Variants in STX12 observed in about 807,000 individuals in gnomAD.
The protein encoded by STX12 is syntaxin-12.
In STX12, 17 loss-of-function variants were observed where a neutral mutation model predicts 42.2. That is an observed-to-expected ratio of 0.40 (90% CI 0.28 to 0.60). The LOEUF (loss-of-function observed/expected upper bound fraction) is 0.60. STX12 is among the 20% of genes least tolerant of loss of function. STX12 has a pLI of 0.39. For synonymous variants in STX12, 108 were observed against 116.7 expected (o/e 0.93, Z 0.48); for missense variants, 297 against 330.9 (o/e 0.90, Z 0.79).
At chr1:27,779,285 A>G (rs762812349) in intron 1 of STX12, among the ~76,000 whole-genome samples, 2 of 151,996 alleles carry the variant, frequency 1.3e-5, no homozygotes, top group Non-Finnish European at 2.9e-5. Flanking sequence ...TCAAGAGCCT[A>G]AAGTGGCTCT....
chr1:27,813,766 A>G (rs1406023790), intron 6 of STX12, among the ~76,000 whole-genome samples: 1 of 152,200 alleles, frequency 6.6e-6, no homozygotes, highest in African/African-American at 2.4e-5. Flanking sequence ...ATATGGTTCA[A>G]ACTAATAAAT....
chr1:27,792,314 G>T (rs1259131249), intron 2 of STX12, among the ~76,000 whole-genome samples: 1 of 97,010 alleles, frequency 1.0e-5, no homozygotes, highest in African/African-American at 4.9e-5. Context: ...CTATATATAT[G>T]TAGATACATA....
intron 1 of STX12, among the ~76,000 whole-genome samples, chr1:27,781,536 T>C (rs1033137383): frequency 1.3e-5 from 2 of 152,204 alleles, no homozygotes; most frequent in African/African-American, 2.4e-5. Context: ...ACCTATTTCA[T>C]AGGGTTGTGA....
chr1:27,811,700 T>C (rs1044528615), intron 5 of STX12, among the ~76,000 whole-genome samples: 1 of 152,010 alleles, frequency 6.6e-6, no homozygotes, highest in Non-Finnish European at 1.5e-5. Flanking sequence ...GGAGATGTGA[T>C]TCTGTTGAAC....
intron 4 of STX12, among the ~76,000 whole-genome samples, chr1:27,802,429 T>A (rs2088833748): frequency 6.6e-6 from 1 of 152,194 alleles, no homozygotes; most frequent in Non-Finnish European, 1.5e-5. Flanking sequence ...CTTAGAACAT[T>A]AAGTCAAAAG....
intron 7 of STX12, 32 bp from the exon 8 acceptor site, chr1:27,819,618 T>C: frequency 6.3e-7 from 1 of 1,594,124 alleles, no homozygotes; most frequent in Non-Finnish European, 8.6e-7. Context: ...CATCTGAGTG[T>C]GTTAAAACAT....
At chr1:27,785,589 A>C (rs1453458459) in intron 1 of STX12, among the ~76,000 whole-genome samples, 1 of 152,228 alleles carries the variant, frequency 6.6e-6, no homozygotes, top group Non-Finnish European at 1.5e-5. Context: ...AATGTCAGTG[A>C]AATCTGAATA....
chr1:27,784,606 A>G (rs2088688461), intron 1 of STX12, among the ~76,000 whole-genome samples: 2 of 152,156 alleles, frequency 1.3e-5, no homozygotes, highest in Non-Finnish European at 2.9e-5. Context: ...CTTTAGGTTT[A>G]CTGAAAGATA....
rs1419245450 is a variant in STX12 at position 27,824,023 on chromosome 1, GT to G, written c.*1696del. ...TATATCGGTACGTCTGAGCCCAAGA[GT>G]TCAAGATCAGCCTGGGCAGTATAGC... is the stretch of plus-strand genomic sequence containing the variant. On this transcript the variant is annotated 3_prime_UTR_variant, in exon 9 of 9. Transcript: ENST00000373943. 1 of 151,902 alleles carries G rather than the reference GT, an allele frequency of 6.6e-6. No individual in the cohort carries two copies. Among genetic ancestry groups the G allele is most frequent in the African/African-American group, 2.4e-5 (1 of 41,346 alleles). The allele number at this position is 151,902 out of a possible 1,614,324, so 9.4% of individuals were successfully genotyped here. A position where few individuals can be genotyped will look rare whatever the true frequency, so the allele number is the denominator to read the frequency against.
At chr1:27,794,463 G>A (rs897437278) in intron 3 of STX12, among the ~76,000 whole-genome samples, 1 of 152,164 alleles carries the variant, frequency 6.6e-6, no homozygotes, top group Non-Finnish European at 1.5e-5. Flanking sequence ...GGGAAAAAGG[G>A]TTCTCTTTTC....
intron 1 of STX12, among the ~76,000 whole-genome samples, chr1:27,774,813 C>T (rs1449595510): frequency 1.3e-5 from 2 of 152,104 alleles, no homozygotes; most frequent in Non-Finnish European, 2.9e-5. Flanking sequence ...GCAAGGACTA[C>T]AAGGATGCAT....
At chr1:27,798,340 C>T (rs1176924285) in intron 3 of STX12, among the ~76,000 whole-genome samples, 2 of 151,428 alleles carry the variant, frequency 1.3e-5, no homozygotes, top group African/African-American at 2.4e-5. Context: ...AGACCCAGCC[C>T]GGGCAACATC....
intron 1 of STX12, among the ~76,000 whole-genome samples, chr1:27,777,052 C>A (rs1036658905): frequency 1.3e-5 from 2 of 152,156 alleles, no homozygotes; most frequent in African/African-American, 4.8e-5. Context: ...GAGATAAAAT[C>A]CCTCCCCTGA....
intron 1 of STX12, among the ~76,000 whole-genome samples, chr1:27,778,361 C>T (rs1369761204): frequency 6.6e-6 from 1 of 152,118 alleles, no homozygotes; most frequent in Non-Finnish European, 1.5e-5. Flanking sequence ...AGCTGAAAAC[C>T]TATTAGCCTC....
At chr1:27,820,591 A>G (rs1384699687) in intron 8 of STX12, among the ~76,000 whole-genome samples, 1 of 152,166 alleles carries the variant, frequency 6.6e-6, no homozygotes, top group African/African-American at 2.4e-5. Flanking sequence ...TGCCCATCCT[A>G]TGTCCTGAAT....
At chr1:27,805,329 A>AT (rs1351394050) in intron 4 of STX12, among the ~76,000 whole-genome samples, 1 of 152,160 alleles carries the variant, frequency 6.6e-6, no homozygotes, top group Non-Finnish European at 1.5e-5. Context: ...TATAAATTAG[A>AT]TTTTTTATGC....
chr1:27,797,891 C>CACAT lies in STX12; in HGVS notation c.289-3784_289-3783insTACA, dbSNP rs201983446. Among the ~76,000 whole-genome samples, 26 of 152,030 alleles carry CACAT rather than the reference C, an allele frequency of 1.7e-4. 1 individual carries two copies. The East Asian group carries it at 5.0e-3, about 29-fold the overall frequency. ...CTGAAGGTAAACACACACACACACA[C>CACAT]ACACACACACACACACAGAGTCTAT... On this transcript the variant is annotated intron_variant, in intron 3 of 8. Transcript: ENST00000373943.
At chr1:27,782,401 T>G (rs11803114) in intron 1 of STX12, among the ~76,000 whole-genome samples, 18,703 of 152,180 alleles carry the variant, frequency 0.12, 3,847 homozygotes, top group African/African-American at 0.42. Context: ...CCTGGCCATA[T>G]AGGCGGTCTT....
chr1:27,799,526 A>G (rs1212696306), intron 3 of STX12, among the ~76,000 whole-genome samples: 2 of 141,192 alleles, frequency 1.4e-5, no homozygotes, highest in East Asian at 4.0e-4. Context: ...TCTTTTGCTC[A>G]GTCTGGAGTG....
Sources: allele counts gnomAD v4.1 joint callset (sites outside exome capture counted in the v4.1 genomes callset), GRCh38; gene constraint gnomAD v4.1.1; transcripts MANE v1.5; gene names NCBI Gene and HGNC (gene_info 2026-07-23, HGNC 2026-07-21).